The following C5orf22 variants were observed in gnomAD, a reference collection of about 807,000 sequenced individuals.
C5orf22 encodes chromosome 5 open reading frame 22.
Under a neutral mutation model 48.7 loss-of-function variants are expected in C5orf22, and 36 were observed. That is an observed-to-expected ratio of 0.74 (90% CI 0.57 to 0.98). The LOEUF (loss-of-function observed/expected upper bound fraction) is 0.98, where lower values mean the gene tolerates loss of function less well. C5orf22 is among the 50% of genes least tolerant of loss of function. C5orf22 has a pLI of 0.00. For synonymous variants in C5orf22, 141 were observed against 180.8 expected (o/e 0.78, Z 1.76); for missense variants, 486 against 521.9 (o/e 0.93, Z 0.67).
chr5:31,543,934 C>T (rs1433179761), intron 6 of C5orf22, among the ~76,000 whole-genome samples: 1 of 151,946 alleles, frequency 6.6e-6, no homozygotes, highest in South Asian at 2.1e-4. Context: ...TGAGTTTAGA[C>T]TGTGCTTGGT....
intron 7 of C5orf22, among the ~76,000 whole-genome samples, chr5:31,550,658 C>T (rs554752501): frequency 3.3e-5 from 5 of 152,178 alleles, no homozygotes; most frequent in African/African-American, 2.4e-5. Flanking sequence ...CTCTGCCTCC[C>T]GTGTTCAAGT....
rs746491521 is a variant in C5orf22, at chr5:31,534,324, A to G, written c.134A>G (p.Asn45Ser). 1.2e-6 allele frequency: 2 copies of G among 1,613,874 alleles called. No homozygotes were observed. The highest frequency in any genetic ancestry group is 2.2e-5 in the East Asian group (1 of 44,864). ...AIGSKHLPASNVSFLHFDSHP... is the reference protein window; with the variant it reads ...AIGSKHLPASSVSFLHFDSHP... ...GGCTCAAAGCATCTTCCTGCCAGTA[A>G]TGTAAGTTTTTTACATTTCGACTCA... The change falls in exon 2 of 9, where the codon AAT becomes AGT. Residue 45 changes from asparagine to serine, a missense_variant. This residue lies in a region of C5orf22 where 74 missense variants were observed against 61.2 expected (regional missense o/e 1.21). Transcript: ENST00000325366.
intron 4 of C5orf22, among the ~76,000 whole-genome samples, chr5:31,540,205 T>A (rs1402042508): frequency 6.6e-6 from 1 of 152,218 alleles, no homozygotes; most frequent in Non-Finnish European, 1.5e-5. Flanking sequence ...AACTCAGGAT[T>A]GTTATAATGA....
intron 8 of C5orf22, among the ~76,000 whole-genome samples, chr5:31,552,296 C>T (rs773786246): frequency 3.3e-4 from 50 of 152,178 alleles, no homozygotes; most frequent in Non-Finnish European, 6.3e-4. Context: ...GCCATGGATC[C>T]TTTATAATTT....
At chr5:31,552,537 C>A (rs1052310114) in intron 8 of C5orf22, among the ~76,000 whole-genome samples, 4 of 152,170 alleles carry the variant, frequency 2.6e-5, no homozygotes, top group Non-Finnish European at 2.9e-5. Context: ...TTTCAGATTT[C>A]TTTAAAGGGA....
chr5:31,544,371 C>A (rs1220032454), intron 6 of C5orf22, among the ~76,000 whole-genome samples: 1 of 152,142 alleles, frequency 6.6e-6, no homozygotes, highest in African/African-American at 2.4e-5. Context: ...ATCATGAGGT[C>A]AGGAGATCGA....
intron 6 of C5orf22, among the ~76,000 whole-genome samples, chr5:31,542,729 C>T (rs543181781): frequency 1.3e-5 from 2 of 152,222 alleles, no homozygotes; most frequent in South Asian, 4.1e-4. Flanking sequence ...ATTCTTAAAT[C>T]ATGTAATCTC....
chr5:31,551,661 T>C (rs1194660437), intron 8 of C5orf22, among the ~76,000 whole-genome samples: 3 of 152,204 alleles, frequency 2.0e-5, no homozygotes, highest in African/African-American at 7.2e-5. Flanking sequence ...TCGAAAATTC[T>C]ACACTTCGGG....
Position 31,541,104 on chromosome 5 carries a change from AAGTG to A in C5orf22, c.870+94_870+97del, listed in dbSNP as rs1303458218. On this transcript the variant is annotated intron_variant, in intron 5 of 8. Transcript: ENST00000325366. ...CCACAGTGATCTCAAAGACTGCTCA[AAGTG>A]TGTGTGTGTGTGTGTGTGTGTGTGT... 173 of 981,408 alleles carry A rather than the reference AAGTG, an allele frequency of 1.8e-4. 1 individual carries two copies. Among genetic ancestry groups the A allele is most frequent in the Non-Finnish European group, 1.3e-4 (88 of 660,004 alleles). 60.8% of individuals were successfully genotyped at this position (981,408 alleles called of 1,614,324 possible). A position where few individuals can be genotyped will look rare whatever the true frequency, so the allele number is the denominator to read the frequency against.
chr5:31,535,498 G>A (rs1742014796), intron 2 of C5orf22, among the ~76,000 whole-genome samples: 1 of 152,182 alleles, frequency 6.6e-6, no homozygotes, highest in African/African-American at 2.4e-5. Context: ...CTTAATTAAT[G>A]TTGGAACATC....
chr5:31,534,992 TAGTCC>T, intron 2 of C5orf22: 1 of 455,168 alleles, frequency 2.2e-6, no homozygotes, highest in Non-Finnish European at 4.4e-6. Flanking sequence ...TTTCTGCATT[TAGTCC>T]ATTGCCATAT....
At chr5:31,548,497 C>G (rs1308092286) in intron 7 of C5orf22, 5 of 437,616 alleles carry the variant, frequency 1.1e-5, no homozygotes, top group Non-Finnish European at 4.5e-6. Flanking sequence ...CAGTTCCCAG[C>G]AAGTTCTTCA....
rs557083632 is a variant in C5orf22 at position 31,539,312 on chromosome 5, G to A, written c.807+623G>A. ...CCACAGATTTTGGTATCCACAGGAG[G>A]TCCCAGAACCAATCCCCCACGGATA... On this transcript the variant is annotated intron_variant, in intron 4 of 8. Transcript: ENST00000325366. Among the ~76,000 whole-genome samples the A allele has an allele frequency of 7.2e-5, 11 of 152,224 alleles. No homozygotes were observed. In the East Asian group the frequency reaches 1.9e-3, roughly 27 times the overall value.
In C5orf22 at chr5:31,532,350, C is replaced by T. The variant is rs1741576303; in HGVS notation, c.-43C>T. The T allele has an allele frequency of 3.1e-6, 5 of 1,604,240 alleles. No homozygotes were observed. Among genetic ancestry groups the T allele is most frequent in the Non-Finnish European group, 4.3e-6 (5 of 1,171,422 alleles). On this transcript the variant is annotated 5_prime_UTR_variant, in exon 1 of 9. Coordinates refer to ENST00000325366, the MANE Select transcript of C5orf22 (RefSeq NM_018356.3). ...AGGCGCCGGCTTTCCCGGGTCTTCT[C>T]CAGCTGCCACCGCTTTACTGCAAAA...
chr5:31,533,153 C>T (rs1741775128), intron 1 of C5orf22, among the ~76,000 whole-genome samples: 1 of 152,058 alleles, frequency 6.6e-6, no homozygotes, highest in Non-Finnish European at 1.5e-5. Flanking sequence ...CGGGGCTTCG[C>T]CACGTTAGCC....
At chr5:31,543,858 T>C (rs949364356) in intron 6 of C5orf22, among the ~76,000 whole-genome samples, 1 of 152,166 alleles carries the variant, frequency 6.6e-6, no homozygotes, top group Non-Finnish European at 1.5e-5. Flanking sequence ...CATGCCCAGT[T>C]AGCTCCTCAT....
At chr5:31,543,834 C>G (rs1742629389) in intron 6 of C5orf22, among the ~76,000 whole-genome samples, 1 of 152,220 alleles carries the variant, frequency 6.6e-6, no homozygotes, top group African/African-American at 2.4e-5. Flanking sequence ...CTGAAACCCA[C>G]TCTGCCTACT....
Position 31,552,941 on chromosome 5 carries a change from A to G in C5orf22, c.*39A>G, listed in dbSNP as rs1274682074. On this transcript the variant is annotated 3_prime_UTR_variant, in exon 9 of 9. Coordinates refer to ENST00000325366, the MANE Select transcript of C5orf22 (RefSeq NM_018356.3). ...TTAGGCTCCTGTTGTATCTTGGTTT[A>G]GTAACAGGCCCTTAATTAACTTATT... 1.3e-6 allele frequency: 2 copies of G among 1,598,100 alleles called. No individual in the cohort carries two copies. Among genetic ancestry groups the G allele is most frequent in the Non-Finnish European group, 1.7e-6 (2 of 1,169,864 alleles).
At chr5:31,550,068 A>T (rs1249878449) in intron 7 of C5orf22, among the ~76,000 whole-genome samples, 1 of 152,140 alleles carries the variant, frequency 6.6e-6, no homozygotes, top group Non-Finnish European at 1.5e-5. Flanking sequence ...AGCTGCAGAG[A>T]TAGAACGCTA....
Sources: gnomAD v4.1 joint callset for allele counts (sites outside exome capture counted in the v4.1 genomes callset) on GRCh38, gnomAD v4.1.1 for gene constraint, gnomAD v4.1.1 regional missense constraint, MANE v1.5 for transcripts, NCBI Gene and HGNC (gene_info 2026-07-23, HGNC 2026-07-21) for gene names.